Variants in ANGPT4 observed in about 807,000 individuals in gnomAD.
ANGPT4 encodes angiopoietin 4.
A neutral mutation model predicts 53.0 loss-of-function variants in ANGPT4; 50 were observed. The observed-to-expected ratio is 0.94, with a 90% CI of 0.75 to 1.20. The LOEUF is 1.20. Among genes scored for constraint, ANGPT4 ranks in the 50% most tolerant of loss-of-function variants. The probability of loss-of-function intolerance (pLI) is 0.00; values close to 1 mark genes in which losing one functional copy is unlikely to be tolerated. For synonymous variants in ANGPT4, 251 were observed against 259.7 expected (o/e 0.97, Z 0.32); for missense variants, 648 against 637.1 (o/e 1.02, Z -0.18).
chr20:896,508 C>T (rs142027875), intron 1 of ANGPT4, among the ~76,000 whole-genome samples: 55 of 152,202 alleles, frequency 3.6e-4, no homozygotes, highest in African/African-American at 1.3e-3. Context: ...GAAGTGGGAG[C>T]GTGTCTGGTA....
chr20:904,184 C>G (rs1321074151), intron 1 of ANGPT4, among the ~76,000 whole-genome samples: 1 of 152,178 alleles, frequency 6.6e-6, no homozygotes, highest in African/African-American at 2.4e-5. Context: ...TTTTCTGTCC[C>G]TGCCTCAACC....
intron 3 of ANGPT4, among the ~76,000 whole-genome samples, chr20:887,762 G>A (rs980028950): frequency 8.6e-5 from 13 of 151,852 alleles, no homozygotes; most frequent in Admixed American, 8.5e-4. Flanking sequence ...GAAAGGAATC[G>A]TAGATAGCAC....
At chr20:895,230 C>T (rs558184798) in intron 1 of ANGPT4, among the ~76,000 whole-genome samples, 1 of 152,294 alleles carries the variant, frequency 6.6e-6, no homozygotes, top group South Asian at 2.1e-4. Context: ...GCACCGACTC[C>T]AGGATTAGAC....
chr20:906,977 G>A (rs924305348), intron 1 of ANGPT4, among the ~76,000 whole-genome samples: 1 of 152,180 alleles, frequency 6.6e-6, no homozygotes, highest in Non-Finnish European at 1.5e-5. Flanking sequence ...CATCCAGTGT[G>A]GTCTGGGCCT....
At position 883,308 on chromosome 20, in the gene ANGPT4, C is replaced by T. The variant is rs139440159; in HGVS notation, c.835+1770G>A. Among the ~76,000 whole-genome samples, 28 of 152,344 alleles carry T rather than the reference C, an allele frequency of 1.8e-4. No individual in the cohort carries two copies. The East Asian group carries it at 2.9e-3, about 16-fold the overall frequency. On this transcript the variant is annotated intron_variant, in intron 4 of 8. Coordinates refer to ENST00000381922, the MANE Select transcript of ANGPT4 (RefSeq NM_015985.4). ...TGGGCAAACAGCCTGCATGAACAAT[C>T]GCTGCTTTTATATCATGCACAAGTT...
intron 1 of ANGPT4, among the ~76,000 whole-genome samples, chr20:900,473 T>C (rs922009841): frequency 3.9e-5 from 6 of 152,196 alleles, no homozygotes; most frequent in Non-Finnish European, 7.3e-5. Flanking sequence ...TCTTCCTCTG[T>C]GGATCCTCTA....
rs746047404 is a variant in ANGPT4 at position 885,186 on chromosome 20, C to G, written c.727G>C (p.Gly243Arg). 6.2e-7 allele frequency: 1 copy of G among 1,602,808 alleles called. No homozygotes were observed. The highest frequency in any genetic ancestry group is 1.7e-5 in the Admixed American group (1 of 58,508). The change falls in exon 4 of 9, where the codon GGT becomes CGT. Residue 243 changes from glycine (G) to arginine (R), a missense_variant. Gly to Arg is a moderately radical substitution (Grantham distance 125). Coordinates refer to ENST00000381922, the MANE Select transcript of ANGPT4 (RefSeq NM_015985.4). ...ALTNIERGLR[G>R]VRHNSSLLQD... is the part of the protein sequence containing the mutation. Reference sequence around the variant, plus strand: ...AGGAGGCTGGAGTTGTGCCTGACACCGCGCAGGCCGCGCTCGATGTTGGTG... The same window carrying G: ...AGGAGGCTGGAGTTGTGCCTGACACGGCGCAGGCCGCGCTCGATGTTGGTG...
At chr20:907,074 T>C (rs976503479) in intron 1 of ANGPT4, among the ~76,000 whole-genome samples, 2 of 152,212 alleles carry the variant, frequency 1.3e-5, no homozygotes, top group South Asian at 2.1e-4. Context: ...TGAACCTCAG[T>C]GGCCTCATTG....
chr20:898,815 G>GCTT (rs1204321778), intron 1 of ANGPT4, among the ~76,000 whole-genome samples: 1 of 152,200 alleles, frequency 6.6e-6, no homozygotes, highest in Non-Finnish European at 1.5e-5. Context: ...ACAGGATCTT[G>GCTT]CTTCAAGTGC....
At chr20:875,322 A>C (rs1388493522) in intron 7 of ANGPT4, among the ~76,000 whole-genome samples, 2 of 152,096 alleles carry the variant, frequency 1.3e-5, no homozygotes, top group Non-Finnish European at 2.9e-5. Context: ...ACCTCTTCCA[A>C]GAAGCCTTCC....
At chr20:891,000 T>C (rs979486070) in intron 1 of ANGPT4, among the ~76,000 whole-genome samples, 2 of 152,244 alleles carry the variant, frequency 1.3e-5, no homozygotes, top group African/African-American at 4.8e-5. Context: ...TATCTGTCTG[T>C]TGTCTGTTTC....
chr20:906,824 G>A (rs1351239161), intron 1 of ANGPT4, among the ~76,000 whole-genome samples: 1 of 152,248 alleles, frequency 6.6e-6, no homozygotes, highest in Non-Finnish European at 1.5e-5. Flanking sequence ...CTTTTCTTCT[G>A]GGTCAGGCTC....
chr20:871,524 A>G lies in ANGPT4; in HGVS notation c.*1436T>C, dbSNP rs1454230409. ...CCTTTCTGACTCCATCCTCTGAAAG[A>G]AGCTATGAGGGCCCTGGTCTCCCAA... On this transcript the variant is annotated 3_prime_UTR_variant, in exon 9 of 9. Coordinates refer to ENST00000381922, the MANE Select transcript of ANGPT4 (RefSeq NM_015985.4). The G allele has an allele frequency of 6.6e-6, 1 of 152,434 alleles. No homozygotes were observed. Among genetic ancestry groups the G allele is most frequent in the Non-Finnish European group, 1.5e-5 (1 of 68,238 alleles). 9.4% of individuals were successfully genotyped at this position (152,434 alleles called of 1,614,324 possible). A position where few individuals can be genotyped will look rare whatever the true frequency, so the allele number is the denominator to read the frequency against.
rs1426659567 is a variant in ANGPT4, at chr20:912,385, C to T, written c.309+3521G>A. On this transcript the variant is annotated intron_variant, in intron 1 of 8. Coordinates refer to ENST00000381922, the MANE Select transcript of ANGPT4 (RefSeq NM_015985.4). ...CCAGCACTGGGTCCTAGAGGGAGGG[C>T]ATGGTGGACAGAGGAGGTCATGTGA... Among the ~76,000 whole-genome samples, 22 of 152,154 alleles carry T rather than the reference C, an allele frequency of 1.4e-4. 1 individual carries two copies. The highest frequency in any genetic ancestry group is 1.4e-3 in the Admixed American group (22 of 15,284).
chr20:892,119 C>T (rs1981871882), intron 1 of ANGPT4, among the ~76,000 whole-genome samples: 1 of 150,004 alleles, frequency 6.7e-6, no homozygotes, highest in South Asian at 2.1e-4. Flanking sequence ...CATGCGCTAA[C>T]AGCTTCCATC....
intron 8 of ANGPT4, among the ~76,000 whole-genome samples, chr20:873,817 C>T (rs1568819091): frequency 6.6e-6 from 1 of 152,166 alleles, no homozygotes; most frequent in African/African-American, 2.4e-5. Flanking sequence ...GTCTCTCCCC[C>T]TGTCTCTGTT....
At chr20:894,852 T>C (rs1443738804) in intron 1 of ANGPT4, among the ~76,000 whole-genome samples, 1 of 152,202 alleles carries the variant, frequency 6.6e-6, no homozygotes, top group Non-Finnish European at 1.5e-5. Context: ...AGAGCTGAGC[T>C]GGTGATTCAG....
At position 908,195 on chromosome 20, in the gene ANGPT4, A is replaced by G. The variant is rs1217217024; in HGVS notation, c.309+7711T>C. On this transcript the variant is annotated intron_variant, in intron 1 of 8. Coordinates refer to ENST00000381922, the MANE Select transcript of ANGPT4 (RefSeq NM_015985.4). The surrounding 1 kb of genome is among the most constrained non-coding windows in gnomAD (Gnocchi z 4.9). ...GAGGACAGGACAGAAAAGTGGCCAC[A>G]TCTCTTCCCAGTCTCCATGGTCCTC... Among the ~76,000 whole-genome samples, 10 of 152,232 alleles carry G rather than the reference A, an allele frequency of 6.6e-5. No homozygotes were observed. The highest frequency in any genetic ancestry group is 2.2e-4 in the African/African-American group (9 of 41,530).
At chr20:881,318 G>T in intron 4 of ANGPT4, 32 bp from the exon 5 acceptor site, 1 of 1,601,678 alleles carries the variant, frequency 6.2e-7, no homozygotes, top group Non-Finnish European at 8.6e-7. Context: ...GTCAGTTGGA[G>T]GTGGGCAAGG....
Sources: allele counts gnomAD v4.1 joint callset (sites outside exome capture counted in the v4.1 genomes callset), GRCh38; gene constraint gnomAD v4.1.1; non-coding constraint Gnocchi (gnomAD v3.1); transcripts MANE v1.5; gene names NCBI Gene and HGNC (gene_info 2026-07-23, HGNC 2026-07-21).